NDST4: variants seen among roughly 807,000 people sequenced by gnomAD.
The protein encoded by NDST4 is N-deacetylase and N-sulfotransferase 4, also known as N-heparan sulfate sulfotransferase 4.
In NDST4, 63 loss-of-function variants were observed where a neutral mutation model predicts 100.8. The observed-to-expected ratio is 0.62, with a 90% confidence interval of 0.51 to 0.77. NDST4 has a LOEUF of 0.77. Among genes scored for constraint, NDST4 ranks in the 30% least tolerant of loss-of-function variants. The pLI, the probability that NDST4 is intolerant of heterozygous loss-of-function variation, is 0.00. For synonymous variants in NDST4, 377 were observed against 361.8 expected, an observed-to-expected ratio of 1.04 and a Z score of -0.48; for missense variants, 943 against 1,018.4, an observed-to-expected ratio of 0.93 and a Z score of 1.01.
chr4:115,088,606 C>T (rs996545435), intron 1 of NDST4, among the ~76,000 whole-genome samples: 1 of 151,850 alleles, frequency 6.6e-6, no homozygotes, highest in Non-Finnish European at 1.5e-5. Flanking sequence ...TTAGCTCATG[C>T]CCATGTTCAT....
At chr4:114,935,368 G>C (rs201656452) in intron 5 of NDST4, 34 bp from the exon 6 acceptor site, 13 of 1,505,258 alleles carry the variant, frequency 8.6e-6, no homozygotes, top group South Asian at 1.3e-5. Context: ...GCACATGGAC[G>C]TGATTTAATT....
intron 1 of NDST4, among the ~76,000 whole-genome samples, chr4:115,090,994 T>C (rs1163492776): frequency 6.6e-6 from 1 of 152,152 alleles, no homozygotes; most frequent in East Asian, 1.9e-4. Flanking sequence ...TTTTTCAATA[T>C]ACATCTTTTT....
chr4:114,847,375 C>CAAAAAAAAAAAAA (rs57987259), intron 9 of NDST4, among the ~76,000 whole-genome samples: 1 of 18,244 alleles, frequency 5.5e-5, no homozygotes, highest in Non-Finnish European at 8.8e-5. Flanking sequence ...GACTCCGTCT[C>CAAAAAAAAAAAAA]AAAAAAAAAA....
chr4:115,057,701 C>T (rs769537312), intron 2 of NDST4, among the ~76,000 whole-genome samples: 7 of 112,950 alleles, frequency 6.2e-5, no homozygotes, highest in Admixed American at 1.7e-4. Context: ...TGCGTGCGCA[C>T]GCACACACAC....
At chr4:114,977,085 C>A in intron 3 of NDST4, 102 bp downstream of exon 3, 1 of 705,358 alleles carries the variant, frequency 1.4e-6, no homozygotes, top group Non-Finnish European at 2.3e-6. Context: ...CCAAGTTTTT[C>A]CCATAATCAA....
Position 114,944,122 on chromosome 4 carries a change from C to T in NDST4, c.1222-6619G>A, listed in dbSNP as rs187216089. Among the ~76,000 whole-genome samples, 570 of 152,262 alleles carry T rather than the reference C, an allele frequency of 3.7e-3. 2 individuals are homozygous for T. Among genetic ancestry groups the T allele is most frequent in the Non-Finnish European group, 6.1e-3 (414 of 68,016 alleles). ...AAAGTGGCCTGTCCATTACCACTGC[C>T]ACCTCTTTCCACCCTGCTCTATAAT... On this transcript the variant is annotated intron_variant, in intron 4 of 13. Transcript: ENST00000264363.
intron 2 of NDST4, among the ~76,000 whole-genome samples, chr4:114,985,605 C>G (rs1017695695): frequency 3.9e-4 from 59 of 152,116 alleles, no homozygotes; most frequent in African/African-American, 1.4e-3. Flanking sequence ...TAGAAAGTAC[C>G]TGATAAACAA....
chr4:115,112,510 C>A (rs977047838), intron 1 of NDST4, among the ~76,000 whole-genome samples: 3 of 151,762 alleles, frequency 2.0e-5, no homozygotes, highest in African/African-American at 7.3e-5. Context: ...CATGATAAAA[C>A]ATAAACTTAA....
intron 11 of NDST4, among the ~76,000 whole-genome samples, chr4:114,833,948 G>A (rs898656502): frequency 1.3e-5 from 2 of 152,196 alleles, no homozygotes; most frequent in East Asian, 3.9e-4. Flanking sequence ...CCCTTAACTT[G>A]CTTTTTGTAA....
intron 6 of NDST4, among the ~76,000 whole-genome samples, chr4:114,929,105 C>CTATCT (rs1725452816): frequency 1.5e-4 from 18 of 121,962 alleles, no homozygotes; most frequent in African/African-American, 5.7e-4. Context: ...TCCATCCATC[C>CTATCT]ATCCATCCAT....
chr4:114,835,143 A>T (rs183021127), intron 11 of NDST4, among the ~76,000 whole-genome samples: 3 of 151,920 alleles, frequency 2.0e-5, no homozygotes, highest in East Asian at 3.9e-4. Context: ...AATTTTAGTT[A>T]TTTCTTGTCT....
At chr4:114,834,513 CAAAAA>C (rs869097688) in intron 11 of NDST4, among the ~76,000 whole-genome samples, 1 of 63,834 alleles carries the variant, frequency 1.6e-5, no homozygotes, top group African/African-American at 4.6e-5. Context: ...GACTCCATCT[CAAAAA>C]AAAAAAAAAA....
At position 114,918,173 on chromosome 4, in the gene NDST4, C is replaced by T. The variant is rs530470488; in HGVS notation, c.1536+17033G>A. Among the ~76,000 whole-genome samples the T allele has an allele frequency of 2.0e-5, 3 of 152,022 alleles. 1 individual carries two copies. In the East Asian group the frequency reaches 5.8e-4, roughly 29 times the overall value. On this transcript the variant is annotated intron_variant, in intron 6 of 13. Coordinates refer to ENST00000264363, the MANE Select transcript of NDST4 (RefSeq NM_022569.3). ...AATTTTTCTTTAAGTCAAACTTGTG[C>T]CAACTTTATTAAAAATGTTAAAATA...
At chr4:114,862,362 T>C (rs1353583579) in intron 7 of NDST4, among the ~76,000 whole-genome samples, 1 of 152,122 alleles carries the variant, frequency 6.6e-6, no homozygotes, top group African/African-American at 2.4e-5. Flanking sequence ...AGAACTTCAT[T>C]TCTGTACTGC....
intron 6 of NDST4, among the ~76,000 whole-genome samples, chr4:114,915,800 G>A (rs910701480): frequency 6.6e-6 from 1 of 151,866 alleles, no homozygotes; most frequent in Non-Finnish European, 1.5e-5. Context: ...AGCTGAAGTT[G>A]CTTATTAAAC....
chr4:114,991,362 T>C (rs956143689), intron 2 of NDST4, among the ~76,000 whole-genome samples: 2 of 152,108 alleles, frequency 1.3e-5, no homozygotes, highest in African/African-American at 4.8e-5. Context: ...CTCTTTTGCA[T>C]GACGAATGAG....
intron 1 of NDST4, among the ~76,000 whole-genome samples, chr4:115,101,673 G>A (rs1470723569): frequency 6.6e-6 from 1 of 152,082 alleles, no homozygotes; most frequent in African/African-American, 2.4e-5. Context: ...CAGTCCAGTG[G>A]TATAGTGAAG....
intron 2 of NDST4, among the ~76,000 whole-genome samples, chr4:115,070,078 C>T (rs1729042757): frequency 6.6e-6 from 1 of 152,060 alleles, no homozygotes; most frequent in Non-Finnish European, 1.5e-5. Context: ...TGTATATATA[C>T]CCAAAGGAAT....
chr4:114,929,411 A>T (rs1725465807), intron 6 of NDST4, among the ~76,000 whole-genome samples: 1 of 152,036 alleles, frequency 6.6e-6, no homozygotes, highest in African/African-American at 2.4e-5. Flanking sequence ...CTTGATCTAT[A>T]CTTCATATTC....
Sources: gnomAD v4.1 joint callset for allele counts (sites outside exome capture counted in the v4.1 genomes callset) on GRCh38, gnomAD v4.1.1 for gene constraint, MANE v1.5 for transcripts, NCBI Gene and HGNC (gene_info 2026-07-23, HGNC 2026-07-21) for gene names.